MEP1B: variants seen among roughly 807,000 people sequenced by gnomAD.
MEP1B encodes the protein N-benzoyl-L-tyrosyl-P-amino-benzoic acid hydrolase subunit beta.
MEP1B carries 80 observed loss-of-function variants against 84.6 expected under a neutral mutation model. The ratio of observed to expected loss-of-function variants is 0.95; its 90% CI spans 0.79 to 1.14. The LOEUF is 1.14. Ranked by LOEUF, MEP1B falls within the 50% of genes most tolerant of loss-of-function variation. The probability of loss-of-function intolerance (pLI) is 0.00; values close to 1 mark genes in which losing one functional copy is unlikely to be tolerated. For missense variants in MEP1B, 766 were observed against 855.1 expected (o/e 0.90, Z 1.30); for synonymous variants, 273 against 288.1 (o/e 0.95, Z 0.53).
At chr18:32,192,905 T>C in intron 4 of MEP1B, 88 bp downstream of exon 4, 2 of 1,017,848 alleles carry the variant, frequency 2.0e-6, no homozygotes, top group Non-Finnish European at 1.5e-6. Flanking sequence ...CAGCATGAAC[T>C]TTGTTAAGCC....
intron 4 of MEP1B, among the ~76,000 whole-genome samples, chr18:32,194,336 T>C (rs901244711): frequency 2.0e-5 from 3 of 152,170 alleles, no homozygotes; most frequent in East Asian, 1.9e-4. Flanking sequence ...CTTGTCCTTA[T>C]CTCTCACAGC....
At chr18:32,194,556 A>G (rs1340696624) in intron 4 of MEP1B, among the ~76,000 whole-genome samples, 3 of 151,770 alleles carry the variant, frequency 2.0e-5, no homozygotes, top group Non-Finnish European at 2.9e-5. Context: ...TCTTAGACTC[A>G]TCAGGCTACT....
intron 12 of MEP1B, among the ~76,000 whole-genome samples, chr18:32,215,750 G>C (rs956750272): frequency 2.6e-5 from 4 of 152,232 alleles, no homozygotes; most frequent in African/African-American, 9.6e-5. Flanking sequence ...TGTGAACCCG[G>C]GAGGCGGAGC....
chr18:32,204,278 C>T lies in MEP1B; in HGVS notation c.465C>T (p.Leu155=), dbSNP rs1187074450. Residue 155 remains leucine, a synonymous_variant, in exon 7 of 15, where the codon CTC becomes CTT. Coordinates refer to ENST00000269202, the MANE Select transcript of MEP1B (RefSeq NM_005925.3). ...TAGCAACAGTTCAACACGAGTTCCT[C>T]CACGCTCTGGGATTCTGGCATGAGC... The part of the protein sequence containing the change: ...DRIATVQHEF[L]HALGFWHEQS... 1 of 1,603,680 alleles carries T rather than the reference C, an allele frequency of 6.2e-7. No homozygotes were observed. The highest frequency in any genetic ancestry group is 1.3e-5 in the African/African-American group (1 of 74,802).
chr18:32,208,984 G>T (rs1198405539), intron 9 of MEP1B, among the ~76,000 whole-genome samples: 1 of 152,184 alleles, frequency 6.6e-6, no homozygotes, highest in Non-Finnish European at 1.5e-5. Flanking sequence ...CAGACCAGAG[G>T]AAAGTAGATA....
chr18:32,199,091 G>A (rs1397186901), intron 5 of MEP1B, among the ~76,000 whole-genome samples: 2 of 152,128 alleles, frequency 1.3e-5, no homozygotes, highest in African/African-American at 2.4e-5. Flanking sequence ...AGACAGAGAA[G>A]CATGGTGGAA....
At chr18:32,195,693 T>A (rs1183081876) in intron 5 of MEP1B, among the ~76,000 whole-genome samples, 1 of 152,104 alleles carries the variant, frequency 6.6e-6, no homozygotes, top group African/African-American at 2.4e-5. Flanking sequence ...ATTTACAGTG[T>A]CTTGACCAAC....
chr18:32,200,629 A>G (rs2144393859), intron 5 of MEP1B, among the ~76,000 whole-genome samples: 1 of 152,324 alleles, frequency 6.6e-6, no homozygotes, highest in Admixed American at 6.5e-5. Flanking sequence ...CCTATTACTC[A>G]GATTCTAGTA....
intron 11 of MEP1B, 65 bp from the exon 12 acceptor site, chr18:32,215,017 C>A: frequency 8.3e-7 from 1 of 1,206,082 alleles, no homozygotes; most frequent in Non-Finnish European, 1.2e-6. Context: ...ATTGCCTGTT[C>A]TTTCCTACCA....
At position 32,192,667 on chromosome 18, in the gene MEP1B, A is replaced by G; in HGVS notation, c.104A>G (p.Gln35Arg). The change falls in exon 3 of 15, where the codon CAG (glutamine) becomes CGG (arginine). Residue 35 changes from glutamine (Q) to arginine (R), a missense_variant. Physicochemically the swap from Gln to Arg is conservative, Grantham distance 43 (BLOSUM62 1). Transcript: ENST00000269202. ...AAAGATGTAGATGGCGGAATGGACCAGGACATATTTGATATCAATGAAGGT... is the reference window on the plus strand; with the variant it reads ...AAAGATGTAGATGGCGGAATGGACCGGGACATATTTGATATCAATGAAGGT... The part of the protein sequence containing the change: ...ENFDVDGGMD[Q>R]DIFDINEGLG... 1 of 1,613,372 alleles carries G rather than the reference A, an allele frequency of 6.2e-7. No individual in the cohort carries two copies. Among genetic ancestry groups the G allele is most frequent in the East Asian group, 2.2e-5 (1 of 44,814 alleles).
At chr18:32,210,252 C>A (rs973535643) in intron 9 of MEP1B, among the ~76,000 whole-genome samples, 1 of 152,130 alleles carries the variant, frequency 6.6e-6, no homozygotes, top group African/African-American at 2.4e-5. Flanking sequence ...GGATTAGTGC[C>A]CACGGAAAAC....
intron 8 of MEP1B, among the ~76,000 whole-genome samples, chr18:32,207,835 T>C (rs2040981570): frequency 6.6e-6 from 1 of 152,240 alleles, no homozygotes; most frequent in African/African-American, 2.4e-5. Flanking sequence ...TGTGGCTTAA[T>C]GATTCGAATA....
chr18:32,219,583 C>T (rs79342497), intron 14 of MEP1B, among the ~76,000 whole-genome samples: 9 of 152,016 alleles, frequency 5.9e-5, no homozygotes, highest in Admixed American at 5.9e-4. Flanking sequence ...GACAAGTTAA[C>T]TGGGTGGATG....
At chr18:32,213,087 T>C in intron 10 of MEP1B, 29 bp from the exon 11 acceptor site, 1 of 1,593,412 alleles carries the variant, frequency 6.3e-7, no homozygotes, top group Non-Finnish European at 8.6e-7. Context: ...AACTTCTTTG[T>C]CTTTGAAATA....
Position 32,210,627 on chromosome 18 carries a change from G to T in MEP1B, c.1046G>T (p.Gly349Val), listed in dbSNP as rs753574442. ...CTGCAATTTTACTTATATAACAGTGGCAGTGAAAGTGATCAACTGAACATC... is the reference window on the plus strand; with the variant it reads ...CTGCAATTTTACTTATATAACAGTGTCAGTGAAAGTGATCAACTGAACATC... The part of the protein sequence containing the change: ...QCLQFYLYNS[G>V]SESDQLNIYI... Residue 349 changes from glycine to valine, a missense_variant, in exon 10 of 15, where the codon GGC becomes GTC. Physicochemically the swap from Gly to Val is moderately radical, Grantham distance 109. Coordinates refer to ENST00000269202, the MANE Select transcript of MEP1B (RefSeq NM_005925.3). 2 of 1,613,828 alleles carry T rather than the reference G, an allele frequency of 1.2e-6. No individual in the cohort carries two copies. Among genetic ancestry groups the T allele is most frequent in the African/African-American group, 2.7e-5 (2 of 74,940 alleles).
intron 5 of MEP1B, among the ~76,000 whole-genome samples, chr18:32,201,938 C>G (rs62095611): frequency 0.079 from 12,079 of 152,294 alleles, 530 homozygotes; most frequent in East Asian, 0.11. Flanking sequence ...GAACATTTGA[C>G]AAATGCTAAT....
intron 10 of MEP1B, 69 bp from the exon 11 acceptor site, chr18:32,213,047 G>C: frequency 7.0e-7 from 1 of 1,430,492 alleles, no homozygotes; most frequent in East Asian, 2.3e-5. Flanking sequence ...AAGAAGGCTA[G>C]AAATCTAATG....
At chr18:32,215,798 T>C (rs1221170551) in intron 12 of MEP1B, among the ~76,000 whole-genome samples, 1 of 152,098 alleles carries the variant, frequency 6.6e-6, no homozygotes, top group African/African-American at 2.4e-5. Flanking sequence ...CACTCCAGCC[T>C]GGGCCAAAGA....
intron 14 of MEP1B, among the ~76,000 whole-genome samples, chr18:32,219,701 A>G (rs1281832772): frequency 1.3e-5 from 2 of 152,214 alleles, no homozygotes; most frequent in Non-Finnish European, 1.5e-5. Flanking sequence ...AAGAAAAATG[A>G]CAAAACCAAA....
Sources: allele counts gnomAD v4.1 joint callset (sites outside exome capture counted in the v4.1 genomes callset), GRCh38; gene constraint gnomAD v4.1.1; transcripts MANE v1.5; gene names NCBI Gene and HGNC (gene_info 2026-07-23, HGNC 2026-07-21).